TRPM3: variants seen among roughly 807,000 people sequenced by gnomAD.
TRPM3 encodes transient receptor potential cation channel subfamily M member 3, also known as long transient receptor potential channel 3.
A neutral mutation model predicts 181.2 loss-of-function variants in TRPM3; 77 were observed. The observed-to-expected ratio is 0.42, with a 90% CI of 0.35 to 0.51. The LOEUF is 0.51. Among genes scored for constraint, TRPM3 ranks in the 20% least tolerant of loss-of-function variants. TRPM3 has a pLI of 0.01. For missense variants in TRPM3, 1,759 were observed against 2,196.7 expected (o/e 0.80, Z 3.98); for synonymous variants, 745 against 796.4 (o/e 0.94, Z 1.09).
At chr9:71,036,622 T>G (rs2058236557) in intron 1 of TRPM3, among the ~76,000 whole-genome samples, 1 of 152,208 alleles carries the variant, frequency 6.6e-6, no homozygotes. Flanking sequence ...ATTGTATTTG[T>G]TTTGCATGAG....
intron 1 of TRPM3, among the ~76,000 whole-genome samples, chr9:71,188,676 T>C (rs1305522791): frequency 6.6e-6 from 1 of 151,888 alleles, no homozygotes; most frequent in Admixed American, 6.6e-5. Flanking sequence ...CTCTCAGCAC[T>C]GCCCTTCCAG....
intron 1 of TRPM3, among the ~76,000 whole-genome samples, chr9:70,891,769 C>T (rs1355082411): frequency 1.3e-5 from 2 of 152,096 alleles, no homozygotes; most frequent in Admixed American, 6.6e-5. Flanking sequence ...TATGCATTAT[C>T]TGATTTAATC....
intron 1 of TRPM3, among the ~76,000 whole-genome samples, chr9:71,011,201 C>T (rs1405804488): frequency 1.3e-5 from 2 of 151,986 alleles, no homozygotes; most frequent in Non-Finnish European, 2.9e-5. Context: ...TTAACAGGTA[C>T]AAGGTTACAA....
intron 1 of TRPM3, among the ~76,000 whole-genome samples, chr9:71,043,705 G>T (rs2059093127): frequency 1.3e-5 from 2 of 152,196 alleles, no homozygotes; most frequent in Non-Finnish European, 1.5e-5. Flanking sequence ...TTTAGAAGGA[G>T]AAATTTTCTG....
rs1281507566 is a variant in TRPM3, at chr9:70,828,105, A to G, written c.802-87T>C. 7 of 1,328,590 alleles carry G rather than the reference A, an allele frequency of 5.3e-6. No homozygotes were observed. The East Asian group carries it at 1.6e-4, about 31-fold the overall frequency. 82.3% of individuals were successfully genotyped at this position (1,328,590 alleles called of 1,614,324 possible). A position where few individuals can be genotyped will look rare whatever the true frequency, so the allele number is the denominator to read the frequency against. Reference sequence around the variant, plus strand: ...AGAATCAGACAGAGGAAAGAGAGGAAGAAAGAACATCAGTTCTGTGGTACA... The same window carrying G: ...AGAATCAGACAGAGGAAAGAGAGGAGGAAAGAACATCAGTTCTGTGGTACA... On this transcript the variant is annotated intron_variant, in intron 5 of 25. Transcript: ENST00000677713.
intron 6 of TRPM3, among the ~76,000 whole-genome samples, chr9:70,822,172 G>A (rs1228770926): frequency 1.3e-5 from 2 of 152,166 alleles, no homozygotes; most frequent in African/African-American, 4.8e-5. Flanking sequence ...GTAATTCTCT[G>A]CTTTTCCTCC....
Position 70,700,395 on chromosome 9 carries a change from G to T in TRPM3, c.1273-18817C>A, listed in dbSNP as rs2072095570. Among the ~76,000 whole-genome samples the T allele has an allele frequency of 3.3e-5, 5 of 152,156 alleles. 1 individual carries two copies. Among genetic ancestry groups the T allele is most frequent in the Admixed American group, 3.3e-4 (5 of 15,272 alleles). On this transcript the variant is annotated intron_variant, in intron 8 of 25. Coordinates refer to ENST00000677713, the MANE Select transcript of TRPM3 (RefSeq NM_001366145.2). Reference sequence around the variant, plus strand: ...AAAGGTTGAGTATAAGCCCAGGGCAGGACCCTGGAAGATGGTGGAGGCCGG... The same window carrying T: ...AAAGGTTGAGTATAAGCCCAGGGCATGACCCTGGAAGATGGTGGAGGCCGG...
chr9:70,792,661 CAG>C (rs9314786), intron 6 of TRPM3, among the ~76,000 whole-genome samples: 13,698 of 147,054 alleles, frequency 0.093, 676 homozygotes, highest in Non-Finnish European at 0.12. Flanking sequence ...GACAGAAAGA[CAG>C]AGAGAGAGAG....
At chr9:70,898,768 A>AAAAGAAAAG (rs2096336153) in intron 1 of TRPM3, among the ~76,000 whole-genome samples, 1 of 138,574 alleles carries the variant, frequency 7.2e-6, no homozygotes, top group African/African-American at 2.7e-5. Context: ...AAAAAAAAAG[A>AAAAGAAAAG]AAAGAAAAGA....
In TRPM3 at chr9:71,087,271, G is replaced by C. The variant is rs139882843; in HGVS notation, c.177+33907C>G. 3.0e-4 allele frequency among the ~76,000 whole-genome samples: 46 copies of C among 152,040 alleles called. No homozygotes were observed. The East Asian group carries it at 7.7e-3, about 26-fold the overall frequency. On this transcript the variant is annotated intron_variant, in intron 1 of 25. Coordinates refer to ENST00000677713, the MANE Select transcript of TRPM3 (RefSeq NM_001366145.2). ...ACTTCTAGCCTTGTGTCCAAGTTGT[G>C]ATTTCCTCTTGGAAGTTTTACTCTC...
In TRPM3 at chr9:71,133,076, A is replaced by G. The variant is rs1488176774; in HGVS notation, c.184-268565T>C. ...TTCAGGCTCTTGATAGTTATTTCCA[A>G]ATTGCTATCCAGTAGTGTTGAACCA... On this transcript the variant is annotated intron_variant, in intron 1 of 24. Transcript: ENST00000357533. 3.9e-5 allele frequency among the ~76,000 whole-genome samples: 6 copies of G among 152,084 alleles called. No individual in the cohort carries two copies. The East Asian group carries it at 1.2e-3, about 29-fold the overall frequency.
At chr9:71,341,419 C>T (rs908797239) in intron 1 of TRPM3, among the ~76,000 whole-genome samples, 1 of 152,130 alleles carries the variant, frequency 6.6e-6, no homozygotes, top group African/African-American at 2.4e-5. Flanking sequence ...GTATGATACA[C>T]TGAGAAGGGC....
chr9:71,155,481 T>TTTTTTTTTTATTTTATTTTA (rs2075949158), intron 1 of TRPM3, among the ~76,000 whole-genome samples: 3 of 128,932 alleles, frequency 2.3e-5, no homozygotes, highest in South Asian at 2.6e-4. Flanking sequence ...ACCATGCTTA[T>TTTTTTTTTTATTTTATTTTA]TTTTATTTTA....
chr9:71,204,270 C>G (rs559045444), intron 1 of TRPM3, among the ~76,000 whole-genome samples: 5 of 150,758 alleles, frequency 3.3e-5, no homozygotes, highest in African/African-American at 9.7e-5. Flanking sequence ...TCAGAGTGAA[C>G]AGGCAACCTA....
chr9:70,998,325 C>T (rs1230977426), intron 1 of TRPM3, among the ~76,000 whole-genome samples: 1 of 151,308 alleles, frequency 6.6e-6, no homozygotes, highest in Non-Finnish European at 1.5e-5. Flanking sequence ...CTTTGGATCA[C>T]TGTCACTATT....
intron 1 of TRPM3, among the ~76,000 whole-genome samples, chr9:71,318,762 A>G (rs982243621): frequency 1.3e-5 from 2 of 152,162 alleles, no homozygotes; most frequent in African/African-American, 4.8e-5. Flanking sequence ...TTTTTAAAAA[A>G]ATTATTGAAG....
In TRPM3 at chr9:71,094,410, T is replaced by C. The variant is rs144506533; in HGVS notation, c.177+26768A>G. Among the ~76,000 whole-genome samples, 239 of 152,280 alleles carry C rather than the reference T, an allele frequency of 1.6e-3. 9 individuals are homozygous for C. The East Asian group carries it at 0.044, about 28-fold the overall frequency. On this transcript the variant is annotated intron_variant, in intron 1 of 25. Coordinates refer to ENST00000677713, the MANE Select transcript of TRPM3 (RefSeq NM_001366145.2). ...AAATTATTTCTGACAGAATTTAGAA[T>C]TGAAAATTTGAATCGTCTTCTAGTC... is the stretch of plus-strand genomic sequence containing the variant.
chr9:70,894,815 T>G (rs1003438238), intron 1 of TRPM3, among the ~76,000 whole-genome samples: 4 of 152,192 alleles, frequency 2.6e-5, no homozygotes, highest in Non-Finnish European at 4.4e-5. Flanking sequence ...TATACCTTCT[T>G]GAGGATCTGT....
At chr9:71,069,981 G>A (rs943833541) in intron 1 of TRPM3, among the ~76,000 whole-genome samples, 4 of 152,116 alleles carry the variant, frequency 2.6e-5, no homozygotes, top group African/African-American at 9.7e-5. Flanking sequence ...AGAAAAAGTA[G>A]GTTTAAAGCC....
Sources: gnomAD v4.1 joint callset for allele counts (sites outside exome capture counted in the v4.1 genomes callset) on GRCh38, gnomAD v4.1.1 for gene constraint, MANE v1.5 for transcripts, NCBI Gene and HGNC (gene_info 2026-07-23, HGNC 2026-07-21) for gene names.